The following TNS3 variants were observed in gnomAD, a reference collection of about 807,000 sequenced individuals.
The protein encoded by TNS3 is tensin-3.
Under a neutral mutation model 140.9 loss-of-function variants are expected in TNS3, and 45 were observed. That is an observed-to-expected ratio of 0.32 (90% CI 0.25 to 0.41). The LOEUF is 0.41. Among genes scored for constraint, TNS3 ranks in the 10% least tolerant of loss-of-function variants. The pLI, the probability that TNS3 is intolerant of heterozygous loss-of-function variation, is 1.00. For synonymous variants in TNS3, 815 were observed against 788.4 expected (o/e 1.03, Z -0.56); for missense variants, 1,716 against 1,906.7 (o/e 0.90, Z 1.86).
At chr7:47,341,505 A>C (rs1027436078) in intron 20 of TNS3, among the ~76,000 whole-genome samples, 1 of 152,146 alleles carries the variant, frequency 6.6e-6, no homozygotes, top group African/African-American at 2.4e-5. Flanking sequence ...AAGTTTTAAA[A>C]ACTATGCATG....
At chr7:47,537,363 C>G (rs1349492267) in intron 1 of TNS3, among the ~76,000 whole-genome samples, 2 of 152,084 alleles carry the variant, frequency 1.3e-5, no homozygotes, top group African/African-American at 2.4e-5. Context: ...CGCGAGCGCA[C>G]GGTCCCGCAC....
intron 20 of TNS3, among the ~76,000 whole-genome samples, chr7:47,322,288 C>T (rs6973545): frequency 0.11 from 15,916 of 149,280 alleles, 1,054 homozygotes; most frequent in African/African-American, 0.18. Context: ...CTTTGGGAGA[C>T]TGACGCAGGC....
At chr7:47,509,466 C>T (rs996287514) in intron 2 of TNS3, among the ~76,000 whole-genome samples, 2 of 152,134 alleles carry the variant, frequency 1.3e-5, no homozygotes, top group Non-Finnish European at 2.9e-5. Context: ...AGATACTTTC[C>T]CGTATGTTAC....
At chr7:47,423,313 T>TCAC (rs1554322105) in intron 10 of TNS3, among the ~76,000 whole-genome samples, 2 of 152,228 alleles carry the variant, frequency 1.3e-5, no homozygotes, top group African/African-American at 4.8e-5. Flanking sequence ...GCTCTAAGTG[T>TCAC]CACCATCTGT....
chr7:47,553,068 T>C (rs1800104290), intron 1 of TNS3, among the ~76,000 whole-genome samples: 1 of 152,216 alleles, frequency 6.6e-6, no homozygotes, highest in Non-Finnish European at 1.5e-5. Context: ...GCCCTAACTC[T>C]CTTCAATTCT....
intron 16 of TNS3, among the ~76,000 whole-genome samples, chr7:47,385,516 T>C (rs1452503371): frequency 6.6e-6 from 1 of 152,168 alleles, no homozygotes; most frequent in Non-Finnish European, 1.5e-5. Context: ...AGATGGAGAC[T>C]GCATCCTGGA....
intron 4 of TNS3, among the ~76,000 whole-genome samples, chr7:47,464,143 G>A (rs1796603916): frequency 6.6e-6 from 1 of 152,108 alleles, no homozygotes; most frequent in Non-Finnish European, 1.5e-5. Flanking sequence ...GCAAGTTCAG[G>A]CTGCAGATGC....
At chr7:47,481,604 A>G (rs1030038501) in intron 3 of TNS3, 2 of 954,946 alleles carry the variant, frequency 2.1e-6, no homozygotes, top group Admixed American at 1.2e-4. Flanking sequence ...TCTTTTCTAG[A>G]ACTATTTCTA....
intron 4 of TNS3, among the ~76,000 whole-genome samples, chr7:47,479,465 C>A (rs1478253569): frequency 6.6e-6 from 1 of 151,666 alleles, no homozygotes; most frequent in African/African-American, 2.4e-5. Context: ...GCTCCCAAGT[C>A]CCCCCACGCC....
At chr7:47,493,934 C>T (rs979654144) in intron 3 of TNS3, among the ~76,000 whole-genome samples, 10 of 152,188 alleles carry the variant, frequency 6.6e-5, no homozygotes, top group Admixed American at 2.6e-4. Flanking sequence ...GGCCAACTGG[C>T]CAACTCTAAT....
chr7:47,521,318 C>T (rs1307295410), intron 2 of TNS3, among the ~76,000 whole-genome samples: 1 of 152,192 alleles, frequency 6.6e-6, no homozygotes, highest in Middle Eastern at 3.2e-3. Flanking sequence ...CACTAGACTC[C>T]GAGCCCTTCG....
At chr7:47,545,068 G>T (rs1481701382) in intron 1 of TNS3, among the ~76,000 whole-genome samples, 2 of 151,766 alleles carry the variant, frequency 1.3e-5, no homozygotes, top group African/African-American at 2.4e-5. Flanking sequence ...TAAAGAAAAA[G>T]GACACAGTTG....
At chr7:47,328,510 C>G (rs1286369713) in intron 20 of TNS3, among the ~76,000 whole-genome samples, 3 of 152,096 alleles carry the variant, frequency 2.0e-5, no homozygotes, top group Non-Finnish European at 4.4e-5. Flanking sequence ...AAAATCAAAC[C>G]CCCATTCCCC....
chr7:47,502,374 C>T (rs1798258915), intron 3 of TNS3, among the ~76,000 whole-genome samples: 1 of 152,218 alleles, frequency 6.6e-6, no homozygotes, highest in Non-Finnish European at 1.5e-5. Context: ...AGTTAGGCCA[C>T]TGAGCGTCTG....
intron 4 of TNS3, among the ~76,000 whole-genome samples, chr7:47,462,291 C>A (rs1211567363): frequency 6.6e-6 from 1 of 152,174 alleles, no homozygotes; most frequent in Non-Finnish European, 1.5e-5. Context: ...TATTCCACAT[C>A]CACTCTATTC....
At chr7:47,283,642 G>C (rs1450493759) in intron 28 of TNS3, 55 bp downstream of exon 28, 2 of 1,459,474 alleles carry the variant, frequency 1.4e-6, no homozygotes. Flanking sequence ...AGAACAAGAG[G>C]AACGTGACAG....
chr7:47,399,029 A>C (rs1273393781), intron 15 of TNS3, among the ~76,000 whole-genome samples: 2 of 151,694 alleles, frequency 1.3e-5, no homozygotes, highest in Non-Finnish European at 2.9e-5. Flanking sequence ...GTACACCAAC[A>C]ATGACCAAAC....
intron 4 of TNS3, among the ~76,000 whole-genome samples, chr7:47,461,904 T>A (rs1191911745): frequency 2.0e-5 from 3 of 152,210 alleles, no homozygotes; most frequent in African/African-American, 7.2e-5. Flanking sequence ...TATTCCTAAG[T>A]ATCTTTAAGC....
chr7:47,417,557 T>G (rs1794149033), intron 10 of TNS3, among the ~76,000 whole-genome samples: 1 of 152,206 alleles, frequency 6.6e-6, no homozygotes, highest in Non-Finnish European at 1.5e-5. Flanking sequence ...ACCTCCCAGG[T>G]CAGTCTACAA....
Sources: allele counts gnomAD v4.1 joint callset (sites outside exome capture counted in the v4.1 genomes callset), GRCh38; gene constraint gnomAD v4.1.1; transcripts MANE v1.5; gene names NCBI Gene and HGNC (gene_info 2026-07-23, HGNC 2026-07-21).